Variants in COL5A1 observed in about 807,000 individuals in gnomAD.
COL5A1 encodes collagen alpha-1(V) chain.
In COL5A1, 16 loss-of-function variants were observed where a neutral mutation model predicts 263.7. That is an observed-to-expected ratio of 0.06 (90% CI 0.04 to 0.09). COL5A1 has a LOEUF of 0.09. Among genes scored for constraint, COL5A1 ranks in the 10% least tolerant of loss-of-function variants. COL5A1 has a pLI of 1.00. For missense variants in COL5A1, 2,036 were observed against 2,540.5 expected (o/e 0.80, Z 4.27); for synonymous variants, 1,012 against 1,004.5 (o/e 1.01, Z -0.14).
intron 1 of COL5A1, among the ~76,000 whole-genome samples, chr9:134,650,710 G>T (rs926836003): frequency 7.9e-5 from 12 of 152,268 alleles, no homozygotes; most frequent in Non-Finnish European, 1.2e-4. Context: ...GCGCCTGAAG[G>T]CAGGCTCCCA....
At chr9:134,788,646 TAGAC>T (rs1291194854) in intron 31 of COL5A1, among the ~76,000 whole-genome samples, 2 of 149,622 alleles carry the variant, frequency 1.3e-5, no homozygotes, top group East Asian at 4.0e-4. Flanking sequence ...GATAGATGGA[TAGAC>T]AGATAGATGG....
chr9:134,738,656 C>A, intron 10 of COL5A1, 90 bp from the exon 11 acceptor site: 2 of 1,474,652 alleles, frequency 1.4e-6, no homozygotes, highest in Admixed American at 1.7e-5. Context: ...GCTATCCCAC[C>A]CCCACCTCTG....
At chr9:134,819,639 T>C (rs1276893043) in intron 57 of COL5A1, among the ~76,000 whole-genome samples, 3 of 152,222 alleles carry the variant, frequency 2.0e-5, no homozygotes, top group Non-Finnish European at 4.4e-5. Context: ...CCTGGGTTCC[T>C]AGAAGACAAA....
chr9:134,839,339 C>A (rs188946121), intron 65 of COL5A1, among the ~76,000 whole-genome samples: 2 of 152,148 alleles, frequency 1.3e-5, no homozygotes, highest in African/African-American at 2.4e-5. Flanking sequence ...CGGCTCGCAG[C>A]GGCCTACTTT....
At position 134,741,051 on chromosome 9, in the gene COL5A1, G is replaced by A. The variant is rs1055975251; in HGVS notation, c.1494+2243G>A. Among the ~76,000 whole-genome samples the A allele has an allele frequency of 1.1e-4, 16 of 152,206 alleles. No individual in the cohort carries two copies. Among genetic ancestry groups the A allele is most frequent in the Admixed American group, 5.2e-4 (8 of 15,282 alleles). On this transcript the variant is annotated intron_variant, in intron 11 of 65. Coordinates refer to ENST00000371817, the MANE Select transcript of COL5A1 (RefSeq NM_000093.5). The surrounding 1 kb of genome is among the most constrained non-coding windows in gnomAD (Gnocchi z 4.5). Reference sequence around the variant, plus strand: ...ACCCCTCTGGGTCCAGCTCCGGCCAGCCTTGTTCAGGAAGCCATCCCTGCT... The same window carrying A: ...ACCCCTCTGGGTCCAGCTCCGGCCAACCTTGTTCAGGAAGCCATCCCTGCT...
intron 1 of COL5A1, among the ~76,000 whole-genome samples, chr9:134,644,395 T>G (rs531678093): frequency 0.013 from 9 of 716 alleles, no homozygotes; most frequent in Admixed American, 0.02. Context: ...ATGCAGGCGC[T>G]GGGGGGAGGG....
chr9:134,686,926 G>C lies in COL5A1; in HGVS notation c.110-3986G>C, dbSNP rs1435460111. On this transcript the variant is annotated intron_variant, in intron 1 of 65. Coordinates refer to ENST00000371817, the MANE Select transcript of COL5A1 (RefSeq NM_000093.5). The surrounding 1 kb of genome is among the most constrained non-coding windows in gnomAD (Gnocchi z 4.6). The stretch of plus-strand genomic sequence containing the variant: ...GTTTCAGTGCACACAGCTGATGGGA[G>C]CAAGCCACGATGGGGAAAGGGATTG... Among the ~76,000 whole-genome samples the C allele has an allele frequency of 4.6e-5, 7 of 152,308 alleles. No homozygotes were observed. The East Asian group carries it at 1.4e-3, about 29-fold the overall frequency.
chr9:134,731,977 G>A lies in COL5A1; in HGVS notation c.1333-94G>A, dbSNP rs181941923. 468 of 1,416,196 alleles carry A rather than the reference G, an allele frequency of 3.3e-4. 3 individuals carry two copies. The African/African-American group carries it at 5.8e-3, about 18-fold the overall frequency. 87.7% of individuals were successfully genotyped at this position (1,416,196 alleles called of 1,614,324 possible). The stretch of plus-strand genomic sequence containing the variant: ...GATGCCCAGCTACGATAGTGCCCTC[G>A]GCCTTGCGAAATCGGGCAGATTTTG... On this transcript the variant is annotated intron_variant, in intron 8 of 65. Transcript: ENST00000371817.
rs572569549 is a variant in COL5A1, at chr9:134,822,722, C to G, written c.4609-276C>G. ...CAGGACATGCTCTTTTCCGCTGCGC[C>G]CCCCCCGCGGCTGTCTGAGCTGGGG... On this transcript the variant is annotated intron_variant, in intron 59 of 65. Transcript: ENST00000371817. 4.7e-4 allele frequency among the ~76,000 whole-genome samples: 71 copies of G among 150,440 alleles called. 1 individual carries two copies. The highest frequency in any genetic ancestry group is 7.3e-4 in the Admixed American group (11 of 15,164).
In COL5A1 at chr9:134,708,696, T is replaced by G. The variant is rs749860020; in HGVS notation, c.654+7363T>G. On this transcript the variant is annotated intron_variant, in intron 4 of 65. Coordinates refer to ENST00000371817, the MANE Select transcript of COL5A1 (RefSeq NM_000093.5). Reference sequence around the variant, plus strand: ...TGCCTGCTTTGCTGAGACCTCCTCTTGCCCCTGGAAGGGACAAGGACATTG... The same window carrying G: ...TGCCTGCTTTGCTGAGACCTCCTCTGGCCCCTGGAAGGGACAAGGACATTG... 11 of 517,334 alleles carry G rather than the reference T, an allele frequency of 2.1e-5. No homozygotes were observed. In the East Asian group the frequency reaches 6.0e-4, roughly 28 times the overall value. 32.0% of individuals were successfully genotyped at this position (517,334 alleles called of 1,614,324 possible).
intron 39 of COL5A1, among the ~76,000 whole-genome samples, chr9:134,803,850 A>G (rs947038697): frequency 2.0e-5 from 3 of 150,954 alleles, no homozygotes; most frequent in African/African-American, 7.3e-5. Flanking sequence ...CTCAAAAAAA[A>G]GAAAAAAAAA....
chr9:134,743,666 C>A (rs1835371297), intron 11 of COL5A1, among the ~76,000 whole-genome samples: 1 of 152,210 alleles, frequency 6.6e-6, no homozygotes, highest in South Asian at 2.1e-4. Flanking sequence ...GGCCCCCACC[C>A]TTCAATGACC....
intron 9 of COL5A1, among the ~76,000 whole-genome samples, chr9:134,736,484 G>A (rs569777424): frequency 1.8e-4 from 27 of 152,342 alleles, no homozygotes; most frequent in African/African-American, 6.3e-4. Context: ...GGAAGGCAGA[G>A]CCTGGTGACC....
At chr9:134,722,011 G>A (rs1217053186) in intron 4 of COL5A1, among the ~76,000 whole-genome samples, 3 of 152,248 alleles carry the variant, frequency 2.0e-5, no homozygotes, top group Admixed American at 6.5e-5. Flanking sequence ...TAGCACCTGC[G>A]CCTCGGTTTC....
intron 18 of COL5A1, among the ~76,000 whole-genome samples, chr9:134,760,267 ACACACATG>A (rs1172556542): frequency 9.3e-6 from 1 of 108,068 alleles, no homozygotes; most frequent in African/African-American, 3.6e-5. Flanking sequence ...CCACACTGAT[ACACACATG>A]CACACACGCA....
intron 65 of COL5A1, among the ~76,000 whole-genome samples, chr9:134,838,466 C>T (rs550684513): frequency 1.1e-3 from 161 of 152,304 alleles, no homozygotes; most frequent in African/African-American, 3.6e-3. Flanking sequence ...CCCTCAAAGC[C>T]GAGAACCAAG....
chr9:134,760,784 GCA>G (rs1430480087), intron 18 of COL5A1, among the ~76,000 whole-genome samples: 11 of 113,376 alleles, frequency 9.7e-5, no homozygotes, highest in South Asian at 9.4e-4. Flanking sequence ...ACCTACACAT[GCA>G]CACACACGCA....
chr9:134,835,068 A>T lies in COL5A1; in HGVS notation c.5234A>T (p.His1745Leu), dbSNP rs370607849. ...TCTGCCCACCAGAACGTCACCTACC[A>T]CTGCTACCAGTCAGTGGCCTGGCAG... Reference protein sequence around the residue: ...SASAHQNVTYHCYQSVAWQDA... With the variant: ...SASAHQNVTYLCYQSVAWQDA... Residue 1745 changes from histidine to leucine, a missense_variant, in exon 65 of 66, where the codon CAC becomes CTC. Around this residue, in one of 3 missense-constraint regions of COL5A1, gnomAD observed 358 missense variants for 384.6 expected, o/e 0.93. Coordinates refer to ENST00000371817, the MANE Select transcript of COL5A1 (RefSeq NM_000093.5). 1.1e-5 allele frequency: 18 copies of T among 1,613,440 alleles called. No individual in the cohort carries two copies. Among genetic ancestry groups the T allele is most frequent in the Non-Finnish European group, 1.5e-5 (18 of 1,180,020 alleles).
At chr9:134,774,362 G>A (rs1003181596) in intron 26 of COL5A1, among the ~76,000 whole-genome samples, 19 of 152,168 alleles carry the variant, frequency 1.2e-4, no homozygotes, top group Admixed American at 6.5e-5. Context: ...TGGGCTGGGG[G>A]CATGGGGGCT....
Sources: gnomAD v4.1 joint callset for allele counts (sites outside exome capture counted in the v4.1 genomes callset) on GRCh38, gnomAD v4.1.1 for gene constraint, gnomAD v4.1.1 regional missense constraint, Gnocchi (gnomAD v3.1) non-coding constraint, MANE v1.5 for transcripts, NCBI Gene and HGNC (gene_info 2026-07-23, HGNC 2026-07-21) for gene names.